The following MIIP variants were observed in gnomAD, a reference collection of about 807,000 sequenced individuals.
MIIP encodes the protein migration and invasion inhibitory protein.
MIIP carries 44 observed loss-of-function variants against 44.8 expected under a neutral mutation model. The observed-to-expected ratio is 0.98, with a 90% confidence interval of 0.77 to 1.26. The LOEUF (loss-of-function observed/expected upper bound fraction) is 1.26. MIIP is among the 50% of genes most tolerant of loss of function. The pLI is 0.00. For missense variants in MIIP, 496 were observed against 511.7 expected (o/e 0.97, Z 0.30); for synonymous variants, 225 against 218.3 (o/e 1.03, Z -0.27).
intron 9 of MIIP, 81 bp downstream of exon 9, chr1:12,031,484 C>G: frequency 1.3e-6 from 2 of 1,568,374 alleles, no homozygotes; most frequent in Non-Finnish European, 1.7e-6. Flanking sequence ...ACTGCAGAGC[C>G]TCCTGGGGGG....
intron 8 of MIIP, among the ~76,000 whole-genome samples, chr1:12,030,935 C>T (rs1351254274): frequency 2.6e-5 from 4 of 152,088 alleles, no homozygotes; most frequent in Admixed American, 2.0e-4. Flanking sequence ...GACATAACAG[C>T]GCCATCCTCA....
intron 6 of MIIP, 62 bp from the exon 7 acceptor site, chr1:12,029,703 C>T (rs552041169): frequency 6.1e-5 from 97 of 1,578,356 alleles, no homozygotes; most frequent in African/African-American, 1.9e-4. Flanking sequence ...GAGGGCAGCA[C>T]GGAGCCTGGG....
chr1:12,023,734 A>G (rs12732012), intron 4 of MIIP, among the ~76,000 whole-genome samples: 31,850 of 148,540 alleles, frequency 0.21, 3,528 homozygotes, highest in Non-Finnish European at 0.25. Flanking sequence ...GGTGACTCAC[A>G]CCTGTAATCC....
At chr1:12,030,967 G>A (rs61776548) in intron 8 of MIIP, among the ~76,000 whole-genome samples, 61,153 of 151,766 alleles carry the variant, frequency 0.4, 13,296 homozygotes, top group Middle Eastern at 0.48. Flanking sequence ...GGTGAGGTGG[G>A]GCTGTTGAGT....
At chr1:12,025,842 C>T (rs1310541334) in intron 4 of MIIP, among the ~76,000 whole-genome samples, 4 of 152,110 alleles carry the variant, frequency 2.6e-5, no homozygotes, top group East Asian at 3.9e-4. Context: ...GGATTACAGA[C>T]GTCCACTACC....
chr1:12,029,522 G>A, intron 6 of MIIP: 1 of 686,628 alleles, frequency 1.5e-6, no homozygotes, highest in East Asian at 2.7e-5. Flanking sequence ...ACCCTCCCCA[G>A]CAGTGCCCCT....
At chr1:12,029,428 G>A in intron 6 of MIIP, 147 bp downstream of exon 6, 1 of 957,324 alleles carries the variant, frequency 1.0e-6, no homozygotes, top group Non-Finnish European at 1.5e-6. Flanking sequence ...CTGCAGTCTG[G>A]ACAGGGTGGC....
intron 1 of MIIP, among the ~76,000 whole-genome samples, chr1:12,020,259 G>C (rs1168684680): frequency 6.6e-6 from 1 of 152,190 alleles, no homozygotes; most frequent in Non-Finnish European, 1.5e-5. Context: ...TAAAAAGAAA[G>C]TGAAGGAGGA....
At chr1:12,025,280 G>A (rs1347182908) in intron 4 of MIIP, among the ~76,000 whole-genome samples, 1 of 151,748 alleles carries the variant, frequency 6.6e-6, no homozygotes, top group Admixed American at 6.6e-5. Flanking sequence ...GGCTGGTCTC[G>A]AACTCCTGCA....
In MIIP at chr1:12,022,932, T is replaced by C. The variant is rs750753605; in HGVS notation, c.547+15T>C. The stretch of plus-strand genomic sequence containing the variant: ...CTGGATTGCAGGTAAGGCGTGCTGT[T>C]GCCCTGCACACACTTTGCCTGGGAG... On this transcript the variant is annotated intron_variant, in intron 4 of 9. Transcript: ENST00000235332. 3 of 1,597,176 alleles carry C rather than the reference T, an allele frequency of 1.9e-6. 1 individual carries two copies. Among genetic ancestry groups the C allele is most frequent in the South Asian group, 2.3e-5 (2 of 88,654 alleles).
intron 3 of MIIP, 52 bp downstream of exon 3, chr1:12,022,494 C>T: frequency 1.4e-6 from 2 of 1,390,118 alleles, no homozygotes. Flanking sequence ...CCTTGGGCCT[C>T]AGTTTCCCTA....
chr1:12,020,190 C>T (rs767732295), intron 1 of MIIP, among the ~76,000 whole-genome samples: 2 of 152,198 alleles, frequency 1.3e-5, no homozygotes, highest in Non-Finnish European at 2.9e-5. Flanking sequence ...TAGCCTCTTG[C>T]TAGCTGTGTG....
intron 1 of MIIP, among the ~76,000 whole-genome samples, chr1:12,021,208 C>T (rs1639966484): frequency 6.6e-6 from 1 of 151,926 alleles, no homozygotes; most frequent in African/African-American, 2.4e-5. Flanking sequence ...TCCTGGCTAA[C>T]ACGGTGAAAC....
intron 7 of MIIP, 59 bp from the exon 8 acceptor site, chr1:12,029,969 G>C: frequency 1.2e-6 from 2 of 1,610,384 alleles, no homozygotes; most frequent in Non-Finnish European, 1.7e-6. Flanking sequence ...ATGGGCCTGG[G>C]CGTGGGCCCC....
At chr1:12,023,561 G>A (rs907886117) in intron 4 of MIIP, among the ~76,000 whole-genome samples, 3 of 151,420 alleles carry the variant, frequency 2.0e-5, no homozygotes, top group South Asian at 2.1e-4. Flanking sequence ...CTGCCACCAC[G>A]CCTGGCTAAT....
chr1:12,030,515 G>A (rs971632387), intron 8 of MIIP, among the ~76,000 whole-genome samples: 3 of 151,156 alleles, frequency 2.0e-5, no homozygotes, highest in African/African-American at 7.3e-5. Flanking sequence ...CTTGGTGGAG[G>A]AGCTGGGATT....
intron 4 of MIIP, chr1:12,024,210 T>C (rs1640052659): frequency 6.6e-6 from 1 of 152,200 alleles, no homozygotes; most frequent in Non-Finnish European, 1.5e-5. Flanking sequence ...GAGTCCCAGC[T>C]GCCGTATGTT....
chr1:12,028,945 C>A, intron 4 of MIIP, 88 bp from the exon 5 acceptor site: 1 of 1,108,518 alleles, frequency 9.0e-7, no homozygotes, highest in Non-Finnish European at 1.4e-6. Flanking sequence ...GGTGCCAGGG[C>A]TGATCGTCTC....
chr1:12,025,033 TTTTTTTG>T (rs1640073593), intron 4 of MIIP, among the ~76,000 whole-genome samples: 3 of 149,818 alleles, frequency 2.0e-5, no homozygotes, highest in Admixed American at 1.3e-4. Context: ...CCTTCCTTTT[TTTTTTTG>T]TTTTTTGTTT....
Sources: allele counts gnomAD v4.1 joint callset (sites outside exome capture counted in the v4.1 genomes callset), GRCh38; gene constraint gnomAD v4.1.1; transcripts MANE v1.5; gene names NCBI Gene and HGNC (gene_info 2026-07-23, HGNC 2026-07-21).